Variants in CNTN4 observed in about 807,000 individuals in gnomAD.
CNTN4 encodes the protein contactin-4.
A neutral mutation model predicts 122.5 loss-of-function variants in CNTN4; 77 were observed. That is an observed-to-expected ratio of 0.63 (90% CI 0.52 to 0.76). The LOEUF (loss-of-function observed/expected upper bound fraction) is 0.76. Ranked by LOEUF, CNTN4 falls within the 30% of genes least tolerant of loss-of-function variation. CNTN4 has a pLI of 0.00. For synonymous variants in CNTN4, 512 were observed against 447.0 expected (o/e 1.15, Z -1.83); for missense variants, 1,256 against 1,259.1 (o/e 1.00, Z 0.04).
At chr3:2,185,172 T>A (rs2149303317) in intron 2 of CNTN4, among the ~76,000 whole-genome samples, 1 of 152,282 alleles carries the variant, frequency 6.6e-6, no homozygotes, top group Non-Finnish European at 1.5e-5. Context: ...TGCTGACTTT[T>A]GTTTTCTCTC....
At chr3:2,953,375 C>T (rs539666120) in intron 13 of CNTN4, among the ~76,000 whole-genome samples, 2 of 151,926 alleles carry the variant, frequency 1.3e-5, no homozygotes, top group Admixed American at 1.3e-4. Context: ...GGCGGTAGAT[C>T]GCTCCTCCCT....
chr3:2,209,193 C>T (rs766897896), intron 2 of CNTN4, among the ~76,000 whole-genome samples: 1 of 152,088 alleles, frequency 6.6e-6, no homozygotes, highest in Admixed American at 6.6e-5. Flanking sequence ...TTTTACAGAG[C>T]CTCTGAGTCC....
At chr3:2,867,729 C>G (rs1019876291) in intron 8 of CNTN4, among the ~76,000 whole-genome samples, 1 of 151,850 alleles carries the variant, frequency 6.6e-6, no homozygotes, top group Non-Finnish European at 1.5e-5. Context: ...GCTTGCTCAC[C>G]CTGCCACCCA....
intron 7 of CNTN4, among the ~76,000 whole-genome samples, chr3:2,852,415 T>C (rs2093562971): frequency 6.6e-6 from 1 of 152,204 alleles, no homozygotes; most frequent in East Asian, 1.9e-4. Context: ...TAGATGATGA[T>C]TTAGAATGGG....
At chr3:2,623,224 G>C (rs1009124458) in intron 4 of CNTN4, among the ~76,000 whole-genome samples, 46 of 136,154 alleles carry the variant, frequency 3.4e-4, no homozygotes, top group African/African-American at 1.4e-3. Context: ...ATCCTTTATG[G>C]AGACTAATTT....
At chr3:2,343,287 G>A (rs73807735) in intron 3 of CNTN4, among the ~76,000 whole-genome samples, 574 of 152,176 alleles carry the variant, frequency 3.8e-3, no homozygotes, top group African/African-American at 0.013. Context: ...CTGCATTGCC[G>A]ATGAAAAATG....
intron 6 of CNTN4, among the ~76,000 whole-genome samples, chr3:2,794,373 G>A (rs1432389474): frequency 6.6e-6 from 1 of 152,182 alleles, no homozygotes; most frequent in Non-Finnish European, 1.5e-5. Flanking sequence ...ACTTCTGGGA[G>A]TCTTTGATGC....
At chr3:2,996,243 T>G (rs1286362520) in intron 14 of CNTN4, among the ~76,000 whole-genome samples, 3 of 152,126 alleles carry the variant, frequency 2.0e-5, no homozygotes, top group Non-Finnish European at 4.4e-5. Context: ...GCCTTCTAAT[T>G]CTGGAAGAGG....
At chr3:2,786,136 G>A (rs999148058) in intron 6 of CNTN4, among the ~76,000 whole-genome samples, 2 of 151,928 alleles carry the variant, frequency 1.3e-5, no homozygotes, top group Admixed American at 6.6e-5. Flanking sequence ...GCTTCCTGCT[G>A]GGAGCCACTT....
chr3:2,676,465 G>C (rs1458202024), intron 4 of CNTN4, among the ~76,000 whole-genome samples: 2 of 152,112 alleles, frequency 1.3e-5, no homozygotes, highest in Non-Finnish European at 2.9e-5. Flanking sequence ...CAAGTGATCC[G>C]GCTGCCTCGG....
At chr3:2,419,301 C>A (rs1483973165) in intron 3 of CNTN4, among the ~76,000 whole-genome samples, 1 of 152,110 alleles carries the variant, frequency 6.6e-6, no homozygotes, top group East Asian at 1.9e-4. Flanking sequence ...TTAGAACATT[C>A]AACTTTATTA....
intron 3 of CNTN4, among the ~76,000 whole-genome samples, chr3:2,555,909 A>C (rs928372738): frequency 1.3e-5 from 2 of 152,182 alleles, no homozygotes; most frequent in Non-Finnish European, 2.9e-5. Context: ...TGAAGCTGTT[A>C]TGAAGCTTTC....
At chr3:2,409,795 G>T (rs1234595801) in intron 3 of CNTN4, among the ~76,000 whole-genome samples, 1 of 151,880 alleles carries the variant, frequency 6.6e-6, no homozygotes, top group Non-Finnish European at 1.5e-5. Flanking sequence ...TATTATCTAT[G>T]TATACACTAT....
At chr3:2,359,318 A>G (rs745524163) in intron 3 of CNTN4, among the ~76,000 whole-genome samples, 1 of 152,106 alleles carries the variant, frequency 6.6e-6, no homozygotes, top group Non-Finnish European at 1.5e-5. Flanking sequence ...TATAATGTAC[A>G]ACATACATTA....
Position 2,795,277 on chromosome 3 carries a change from T to C in CNTN4, c.359-24209T>C, listed in dbSNP as rs190821397. On this transcript the variant is annotated intron_variant, in intron 6 of 24. Coordinates refer to ENST00000418658, the MANE Select transcript of CNTN4 (RefSeq NM_175607.3). ...AAAATTGGACCTGACAGGCTGACCC[T>C]GATCCTGAAAGGCTCTGACCTTTTC... 2.3e-3 allele frequency among the ~76,000 whole-genome samples: 343 copies of C among 152,270 alleles called. 2 individuals are homozygous for C. The highest frequency in any genetic ancestry group is 7.9e-3 in the African/African-American group (327 of 41,574).
chr3:2,295,159 G>A (rs1575295756), intron 2 of CNTN4, among the ~76,000 whole-genome samples: 1 of 145,758 alleles, frequency 6.9e-6, no homozygotes, highest in African/African-American at 2.6e-5. Flanking sequence ...TGTCTTTATA[G>A]CAGCATGATT....
At chr3:2,400,408 T>TATATATATATATATATATATATATAC (rs2046799765) in intron 3 of CNTN4, among the ~76,000 whole-genome samples, 2 of 58,998 alleles carry the variant, frequency 3.4e-5, no homozygotes, top group African/African-American at 4.8e-5. Flanking sequence ...TGTGTGAATA[T>TATATATATATATATATATATATATAC]ATATATATAT....
chr3:2,472,420 A>G (rs2075713521), intron 3 of CNTN4, among the ~76,000 whole-genome samples: 1 of 151,976 alleles, frequency 6.6e-6, no homozygotes, highest in South Asian at 2.1e-4. Context: ...TTGTATTTTT[A>G]GTAGATATGG....
At chr3:2,774,490 G>A (rs11129293) in intron 6 of CNTN4, among the ~76,000 whole-genome samples, 110,044 of 152,020 alleles carry the variant, frequency 0.72, 41,856 homozygotes, top group Non-Finnish European at 0.84. Context: ...AATGAAGGAG[G>A]GACCCATTTC....
Sources: gnomAD v4.1 joint callset for allele counts (sites outside exome capture counted in the v4.1 genomes callset) on GRCh38, gnomAD v4.1.1 for gene constraint, MANE v1.5 for transcripts, NCBI Gene and HGNC (gene_info 2026-07-23, HGNC 2026-07-21) for gene names.